Variants in CBLB observed in about 807,000 individuals in gnomAD.
CBLB encodes the protein E3 ubiquitin-protein ligase CBL-B.
CBLB carries 31 observed loss-of-function variants against 104.9 expected under a neutral mutation model. That is an observed-to-expected ratio of 0.30 (90% CI 0.22 to 0.40). CBLB has a LOEUF of 0.40. CBLB is among the 10% of genes least tolerant of loss of function. CBLB has a pLI of 1.00. For synonymous variants in CBLB, 440 were observed against 422.6 expected, an observed-to-expected ratio of 1.04 and a Z score of -0.51; for missense variants, 1,062 against 1,214.6, an observed-to-expected ratio of 0.87 and a Z score of 1.87.
chr3:105,702,101 C>T lies in CBLB; in HGVS notation c.1952G>A (p.Gly651Glu), dbSNP rs1376412513. The T allele has an allele frequency of 1.2e-6, 2 of 1,614,070 alleles. No homozygotes were observed. Among genetic ancestry groups the T allele is most frequent in the South Asian group, 2.2e-5 (2 of 91,064 alleles). The part of the protein sequence containing the change: ...KHRRHDLPLE[G>E]AKVFSNGHLG... ...GCTTTGCGTATTTCTTACCTTAGCT[C>T]CTTCTAAAGGCAAATCATGGCGTCT... The change falls in exon 12 of 19, where the codon GGA becomes GAA. Residue 651 changes from glycine (G) to glutamate (E), a missense_variant. Physicochemically the swap from Gly to Glu is moderately conservative, Grantham distance 98. Around this residue, in one of 2 missense-constraint regions of CBLB, gnomAD observed 605 missense variants for 582.6 expected, o/e 1.04. Transcript: ENST00000394030.
chr3:105,868,150 A>G (rs1706399606), intron 1 of CBLB: 1 of 1,158,298 alleles, frequency 8.6e-7, no homozygotes, highest in African/African-American at 1.6e-5. Context: ...AAAACCACCA[A>G]GTACGGACAC....
intron 3 of CBLB, among the ~76,000 whole-genome samples, chr3:105,808,552 T>G (rs1460817746): frequency 6.6e-6 from 1 of 152,188 alleles, no homozygotes; most frequent in Non-Finnish European, 1.5e-5. Context: ...TTAAGTTTCT[T>G]GAAGGCAGGA....
chr3:105,735,222 C>G (rs932937993), intron 8 of CBLB, among the ~76,000 whole-genome samples: 17 of 152,052 alleles, frequency 1.1e-4, no homozygotes, highest in African/African-American at 3.9e-4. Flanking sequence ...CATGCAGGTA[C>G]ACACATGTAC....
chr3:105,804,665 C>T (rs1026576776), intron 3 of CBLB, among the ~76,000 whole-genome samples: 12 of 151,634 alleles, frequency 7.9e-5, no homozygotes, highest in African/African-American at 2.2e-4. Flanking sequence ...ATTAACATAG[C>T]TACTAGATAA....
chr3:105,674,464 A>G (rs2065388188), intron 17 of CBLB, among the ~76,000 whole-genome samples: 1 of 152,248 alleles, frequency 6.6e-6, no homozygotes, highest in Non-Finnish European at 1.5e-5. Flanking sequence ...AAGATTAGAT[A>G]AGATCTTCAA....
intron 4 of CBLB, among the ~76,000 whole-genome samples, chr3:105,755,815 T>A (rs566641744): frequency 1.6e-4 from 24 of 152,318 alleles, no homozygotes; most frequent in African/African-American, 5.8e-4. Flanking sequence ...CAAAGGCCCA[T>A]CCACAAGTCT....
intron 4 of CBLB, among the ~76,000 whole-genome samples, chr3:105,767,097 A>G (rs1271073001): frequency 6.6e-6 from 1 of 152,154 alleles, no homozygotes; most frequent in Non-Finnish European, 1.5e-5. Context: ...TTTTTTTAAC[A>G]GGCAACAAAG....
chr3:105,800,368 C>T (rs10804442), intron 3 of CBLB, among the ~76,000 whole-genome samples: 101,552 of 152,006 alleles, frequency 0.67, 34,993 homozygotes, highest in Middle Eastern at 0.8. Context: ...CCTTCTAACA[C>T]ACAACGAATC....
chr3:105,748,212 A>G (rs2152900551), intron 5 of CBLB, among the ~76,000 whole-genome samples: 1 of 152,296 alleles, frequency 6.6e-6, no homozygotes, highest in East Asian at 1.9e-4. Flanking sequence ...GAAATTAATG[A>G]AGTGAATAAA....
chr3:105,697,835 G>A (rs2068579119), intron 12 of CBLB, among the ~76,000 whole-genome samples: 2 of 151,958 alleles, frequency 1.3e-5, no homozygotes, highest in African/African-American at 2.4e-5. Flanking sequence ...TGCCTCAAGA[G>A]AACAAATAAT....
At chr3:105,680,254 A>C (rs1350745114) in intron 16 of CBLB, among the ~76,000 whole-genome samples, 1 of 152,216 alleles carries the variant, frequency 6.6e-6, no homozygotes, top group Non-Finnish European at 1.5e-5. Flanking sequence ...TAGAGTAAAC[A>C]GTATGAAGAA....
chr3:105,663,373 A>G (rs2064022283), intron 18 of CBLB, among the ~76,000 whole-genome samples: 1 of 152,160 alleles, frequency 6.6e-6, no homozygotes, highest in Admixed American at 6.5e-5. Context: ...TTTATTGGGT[A>G]GAAAGAGCAG....
At chr3:105,867,622 T>A in intron 1 of CBLB, 31 bp from the exon 2 acceptor site, 2 of 1,599,846 alleles carry the variant, frequency 1.3e-6, no homozygotes, top group South Asian at 2.2e-5. Context: ...AAAAGAAAAG[T>A]TAGTTGGTTT....
chr3:105,834,489 T>C (rs2153083949), intron 3 of CBLB, among the ~76,000 whole-genome samples: 2 of 152,206 alleles, frequency 1.3e-5, no homozygotes, highest in Non-Finnish European at 2.9e-5. Flanking sequence ...ACCCCGTCTC[T>C]ACTAAAAATA....
intron 3 of CBLB, among the ~76,000 whole-genome samples, chr3:105,780,819 T>G (rs531122393): frequency 1.3e-5 from 2 of 151,918 alleles, no homozygotes; most frequent in African/African-American, 2.4e-5. Context: ...CCCGCCACCA[T>G]GCCCAGCTAA....
intron 3 of CBLB, among the ~76,000 whole-genome samples, chr3:105,786,061 C>CAGGGG (rs1553794620): frequency 3.8e-5 from 3 of 79,200 alleles, no homozygotes; most frequent in Non-Finnish European, 8.1e-5. Flanking sequence ...GTGAGAGGAT[C>CAGGGG]GGGGGGGGGA....
chr3:105,863,350 C>A (rs1577995315), intron 2 of CBLB, among the ~76,000 whole-genome samples: 1 of 152,300 alleles, frequency 6.6e-6, no homozygotes, highest in African/African-American at 2.4e-5. Context: ...TATCCCCTAA[C>A]CAAGTCTACC....
intron 2 of CBLB, among the ~76,000 whole-genome samples, chr3:105,863,506 T>A (rs2092251937): frequency 6.6e-6 from 1 of 152,188 alleles, no homozygotes; most frequent in African/African-American, 2.4e-5. Flanking sequence ...ACAACAGGCA[T>A]CTAAAACCTG....
At chr3:105,841,407 T>C (rs966265218) in intron 3 of CBLB, among the ~76,000 whole-genome samples, 8 of 152,026 alleles carry the variant, frequency 5.3e-5, no homozygotes, top group Admixed American at 2.0e-4. Flanking sequence ...ATATTAGATA[T>C]ATCAAATACA....
Sources: allele counts gnomAD v4.1 joint callset (sites outside exome capture counted in the v4.1 genomes callset), GRCh38; gene constraint gnomAD v4.1.1; regional missense constraint gnomAD v4.1.1; transcripts MANE v1.5; gene names NCBI Gene and HGNC (gene_info 2026-07-23, HGNC 2026-07-21).